KIFC3: variants seen among roughly 807,000 people sequenced by gnomAD.
KIFC3 encodes kinesin family member C3, also known as kinesin-like protein KIFC3.
Under a neutral mutation model 101.8 loss-of-function variants are expected in KIFC3, and 60 were observed. The observed-to-expected ratio is 0.59, with a 90% CI of 0.48 to 0.73. KIFC3 has a LOEUF of 0.73. Ranked by LOEUF, KIFC3 falls within the 30% of genes least tolerant of loss-of-function variation. The pLI, the probability that KIFC3 is intolerant of heterozygous loss-of-function variation, is 0.00. For missense variants in KIFC3, 966 were observed against 1,137.1 expected (o/e 0.85, Z 2.16); for synonymous variants, 476 against 482.7 (o/e 0.99, Z 0.18).
intron 1 of KIFC3, among the ~76,000 whole-genome samples, chr16:57,843,548 A>C (rs2055854195): frequency 6.6e-6 from 1 of 152,136 alleles, no homozygotes; most frequent in Non-Finnish European, 1.5e-5. Context: ...TGGGGTGGTC[A>C]GCCTGTAATC....
chr16:57,837,647 A>G (rs2055723289), intron 1 of KIFC3, among the ~76,000 whole-genome samples: 1 of 152,042 alleles, frequency 6.6e-6, no homozygotes. Context: ...TTTTCCCAGC[A>G]TTTGTTCTGG....
chr16:57,759,652 G>A, intron 18 of KIFC3, 76 bp downstream of exon 18: 1 of 1,087,634 alleles, frequency 9.2e-7, no homozygotes, highest in East Asian at 2.6e-5. Flanking sequence ...AAAAGAGAAA[G>A]CCCATCCAGG....
At chr16:57,798,894 G>A (rs1400628973) in intron 1 of KIFC3, among the ~76,000 whole-genome samples, 12 of 152,202 alleles carry the variant, frequency 7.9e-5, no homozygotes, top group Admixed American at 7.9e-4. Flanking sequence ...CACCGTATGG[G>A]TGTTGAGATA....
At chr16:57,798,534 G>C in intron 1 of KIFC3, 1 of 560,818 alleles carries the variant, frequency 1.8e-6, no homozygotes, top group Non-Finnish European at 3.2e-6. Flanking sequence ...CTGTGCCTGA[G>C]ACCCCACACC....
chr16:57,760,142 C>G, intron 17 of KIFC3, 140 bp downstream of exon 17: 1 of 1,013,274 alleles, frequency 9.9e-7, no homozygotes, highest in South Asian at 1.6e-5. Flanking sequence ...GCTGTGGGTT[C>G]CAGCCGTAGC....
chr16:57,786,929 G>A (rs2053389994), intron 3 of KIFC3, among the ~76,000 whole-genome samples: 1 of 152,220 alleles, frequency 6.6e-6, no homozygotes, highest in African/African-American at 2.4e-5. Flanking sequence ...GAGAGCAGGA[G>A]GGGCACGCAC....
intron 11 of KIFC3, among the ~76,000 whole-genome samples, chr16:57,765,099 G>A (rs1555601491): frequency 6.6e-6 from 1 of 152,032 alleles, no homozygotes; most frequent in Non-Finnish European, 1.5e-5. Context: ...ATATAGGAGG[G>A]GCCACATGGT....
intron 1 of KIFC3, chr16:57,815,320 G>A (rs1184794287): frequency 5.0e-6 from 3 of 605,530 alleles, no homozygotes; most frequent in African/African-American, 2.0e-5. Flanking sequence ...GTGCTCATTT[G>A]TAACCAGAGT....
chr16:57,828,161 C>T, intron 1 of KIFC3, among the ~76,000 whole-genome samples: 1 of 152,198 alleles, frequency 6.6e-6, no homozygotes, highest in Middle Eastern at 3.2e-3. Flanking sequence ...ACTCTGCGCT[C>T]CTCCTCCTCC....
intron 3 of KIFC3, chr16:57,788,747 G>C (rs2053585004): frequency 7.8e-7 from 1 of 1,287,958 alleles, no homozygotes; most frequent in Non-Finnish European, 1.0e-6. Context: ...TCACGTGAAG[G>C]AGACTGTGCC....
intron 2 of KIFC3, 137 bp downstream of exon 2, chr16:57,797,935 G>A (rs1555623710): frequency 2.6e-6 from 4 of 1,529,814 alleles, no homozygotes. Context: ...CGCCCGCCTG[G>A]CTCTGGGCTG....
At position 57,798,087 on chromosome 16, in the gene KIFC3, C is replaced by G. The variant is rs1289037945; in HGVS notation, c.157G>C (p.Gly53Arg). ...AARPFPHTGP[G>R]RLRTGRGKDT... is the part of the protein sequence containing the mutation. ...GCGGACTCACCAGTTCTCAACCTCC[C>G]CGGGCCGGTGTGTGGGAAAGGGCGG... The change falls in exon 2 of 20, where the codon GGG (glycine) becomes CGG (arginine). Residue 53 changes from glycine to arginine, a missense_variant. By Grantham distance (125) the Gly-to-Arg change is moderately radical. Around this residue, in one of 2 missense-constraint regions of KIFC3, gnomAD observed 277 missense variants for 252.5 expected, o/e 1.10. Coordinates refer to ENST00000445690, the MANE Select transcript of KIFC3 (RefSeq NM_001130100.2). 6.3e-7 allele frequency: 1 copy of G among 1,592,692 alleles called. No homozygotes were observed. Among genetic ancestry groups the G allele is most frequent in the African/African-American group, 1.3e-5 (1 of 74,586 alleles).
chr16:57,761,207 G>C (rs1555597110), intron 14 of KIFC3, 36 bp from the exon 15 acceptor site: 3 of 1,609,708 alleles, frequency 1.9e-6, no homozygotes, highest in East Asian at 2.2e-5. Flanking sequence ...GCACAGCGTT[G>C]AGAATGGGGT....
chr16:57,775,777 C>T, intron 3 of KIFC3: 1 of 985,668 alleles, frequency 1.0e-6, no homozygotes, highest in Non-Finnish European at 1.2e-6. Flanking sequence ...GAGGAGAAAG[C>T]AGACTCCCCA....
At chr16:57,793,627 C>T (rs1555621325) in intron 3 of KIFC3, among the ~76,000 whole-genome samples, 1 of 147,458 alleles carries the variant, frequency 6.8e-6, no homozygotes, top group Non-Finnish European at 1.5e-5. Flanking sequence ...TCAAGACCAG[C>T]CTGGCCAACA....
Position 57,795,905 on chromosome 16 carries a change from T to G in KIFC3, c.173-764A>C, listed in dbSNP as rs1477359802. 4.3e-3 allele frequency among the ~76,000 whole-genome samples: 632 copies of G among 147,734 alleles called. 12 individuals are homozygous for G. Among genetic ancestry groups the G allele is most frequent in the African/African-American group, 0.015 (613 of 40,090 alleles). ...TTTTGTTTTTTTTTTTTTTTTTTTT[T>G]TTTTTTGAGACAGGGCCTCTCTCTG... On this transcript the variant is annotated intron_variant, in intron 2 of 19. Transcript: ENST00000445690.
rs371246729 is a variant in KIFC3, at chr16:57,769,557, C to T, written c.1218+38G>A. ...ATGTCGTGCCTCTCCCAGTGCACCC[C>T]CTTAGCCTGGACCCTCCCACCCACT... On this transcript the variant is annotated intron_variant, in intron 9 of 19. Coordinates refer to ENST00000445690, the MANE Select transcript of KIFC3 (RefSeq NM_001130100.2). This position sits in a 1 kb window ranked among gnomAD's most constrained non-coding sequence, Gnocchi z 4.3. 3.8e-5 allele frequency: 60 copies of T among 1,588,524 alleles called. No homozygotes were observed. The highest frequency in any genetic ancestry group is 5.0e-5 in the Non-Finnish European group (59 of 1,169,262).
chr16:57,804,323 CT>C (rs2054882870), upstream of KIFC3, among the ~76,000 whole-genome samples: 1 of 152,108 alleles, frequency 6.6e-6, no homozygotes, highest in South Asian at 2.1e-4. Flanking sequence ...CCATTTAACC[CT>C]GAACACCCTA....
intron 19 of KIFC3, 105 bp downstream of exon 19, chr16:57,759,020 G>C (rs940240186): frequency 1.3e-6 from 2 of 1,529,910 alleles, no homozygotes; most frequent in African/African-American, 1.4e-5. Context: ...ACAAGCGACA[G>C]CAGGGGCTAG....
Sources: gnomAD v4.1 joint callset for allele counts (sites outside exome capture counted in the v4.1 genomes callset) on GRCh38, gnomAD v4.1.1 for gene constraint, gnomAD v4.1.1 regional missense constraint, Gnocchi (gnomAD v3.1) non-coding constraint, MANE v1.5 for transcripts, NCBI Gene and HGNC (gene_info 2026-07-23, HGNC 2026-07-21) for gene names.